The following CFAP58 variants were observed in gnomAD, a reference collection of about 807,000 sequenced individuals.
CFAP58 encodes cilia- and flagella-associated protein 58.
Under a neutral mutation model 119.5 loss-of-function variants are expected in CFAP58, and 88 were observed. The observed-to-expected ratio is 0.74, with a 90% confidence interval of 0.62 to 0.88. The LOEUF (loss-of-function observed/expected upper bound fraction) is 0.88. Ranked by LOEUF, CFAP58 falls within the 40% of genes least tolerant of loss-of-function variation. CFAP58 has a pLI of 0.00. For missense variants in CFAP58, 990 were observed against 1,021.2 expected (o/e 0.97, Z 0.42); for synonymous variants, 365 against 366.3 (o/e 1.00, Z 0.04).
chr10:104,448,441 A>G (rs1038153853), intron 16 of CFAP58, among the ~76,000 whole-genome samples: 27 of 152,342 alleles, frequency 1.8e-4, no homozygotes, highest in African/African-American at 6.3e-4. Flanking sequence ...AGTTTTCTCA[A>G]AAGTTGTGCA....
intron 9 of CFAP58, among the ~76,000 whole-genome samples, chr10:104,386,005 A>C (rs2011913740): frequency 6.6e-6 from 1 of 151,808 alleles, no homozygotes; most frequent in Non-Finnish European, 1.5e-5. Flanking sequence ...TAACATATTA[A>C]TAGTGGTTAT....
chr10:104,377,927 ATAGTGTTGG>A (rs1367596828), intron 8 of CFAP58, among the ~76,000 whole-genome samples: 6 of 152,248 alleles, frequency 3.9e-5, no homozygotes, highest in Admixed American at 3.3e-4. Flanking sequence ...CATATAAACA[ATAGTGTTGG>A]ATTTAGATTT....
intron 15 of CFAP58, among the ~76,000 whole-genome samples, chr10:104,417,180 G>A (rs79639697): frequency 2.0e-5 from 3 of 152,238 alleles, no homozygotes; most frequent in Non-Finnish European, 4.4e-5. Flanking sequence ...AGCAACAGCT[G>A]TGGTGCTGGT....
chr10:104,440,118 G>T (rs941199174), intron 15 of CFAP58, among the ~76,000 whole-genome samples: 8 of 147,960 alleles, frequency 5.4e-5, no homozygotes, highest in African/African-American at 2.1e-4. Flanking sequence ...CACCGCGCCC[G>T]GCCACTGATT....
chr10:104,420,919 AT>A lies in CFAP58; in HGVS notation c.2256+14133del, dbSNP rs2012646417. Among the ~76,000 whole-genome samples, 5 of 151,832 alleles carry A rather than the reference AT, an allele frequency of 3.3e-5. 1 individual carries two copies. In the South Asian group the frequency reaches 1.0e-3, roughly 32 times the overall value. On this transcript the variant is annotated intron_variant, in intron 15 of 17. Coordinates refer to ENST00000369704, the MANE Select transcript of CFAP58 (RefSeq NM_001008723.2). ...AGTCTTGTGCCCCCACACCCGGCTA[AT>A]TTTTTTGTATTTAGTAGAGATGGGT...
Position 104,438,171 on chromosome 10 carries a change from C to G in CFAP58, c.2257-9527C>G, listed in dbSNP as rs533609057. Among the ~76,000 whole-genome samples the G allele has an allele frequency of 3.3e-5, 5 of 152,254 alleles. No individual in the cohort carries two copies. The South Asian group carries it at 6.2e-4, about 19-fold the overall frequency. On this transcript the variant is annotated intron_variant, in intron 15 of 17. Transcript: ENST00000369704. Reference sequence around the variant, plus strand: ...GTATTAGTTATCTATTGCTCCATTACAAATGACCATGAATTTCACAGCTTA... The same window carrying G: ...GTATTAGTTATCTATTGCTCCATTAGAAATGACCATGAATTTCACAGCTTA...
chr10:104,383,753 A>AACACACACACACACAC (rs59181888), intron 9 of CFAP58, among the ~76,000 whole-genome samples: 1,904 of 145,892 alleles, frequency 0.013, 21 homozygotes, highest in Middle Eastern at 0.038. Context: ...TTTACTGTCC[A>AACACACACACACACAC]ACACACACAC....
chr10:104,339,451 TAC>T, the CFAP58 span, among the ~76,000 whole-genome samples: 1 of 152,196 alleles, frequency 6.6e-6, no homozygotes, highest in African/African-American at 2.4e-5. Context: ...CTACCATCAG[TAC>T]AAAAGGCAGA....
chr10:104,438,480 A>G (rs1286096181), intron 15 of CFAP58, among the ~76,000 whole-genome samples: 1 of 146,948 alleles, frequency 6.8e-6, no homozygotes, highest in Middle Eastern at 3.4e-3. Flanking sequence ...GGTTCACGCC[A>G]TTCTCCTGCC....
chr10:104,427,868 A>G (rs1354844674), intron 15 of CFAP58, among the ~76,000 whole-genome samples: 1 of 152,156 alleles, frequency 6.6e-6, no homozygotes, highest in Non-Finnish European at 1.5e-5. Flanking sequence ...TCCCTCAGCA[A>G]CATCGAGGGT....
At chr10:104,357,956 CACATATATGTACACATATGT>C (rs1564876147) in intron 1 of CFAP58, among the ~76,000 whole-genome samples, 5 of 108,464 alleles carry the variant, frequency 4.6e-5, no homozygotes, top group African/African-American at 2.5e-4. Flanking sequence ...CACATATATA[CACATATATGTACACATATGT>C]ACATATGTAC....
At chr10:104,360,053 G>T (rs999925034) in intron 2 of CFAP58, among the ~76,000 whole-genome samples, 68 of 152,194 alleles carry the variant, frequency 4.5e-4, no homozygotes, top group African/African-American at 1.6e-3. Flanking sequence ...AGAGTAATCT[G>T]TCTAATGTAA....
At position 104,390,257 on chromosome 10, in the gene CFAP58, A is replaced by G. The variant is rs75201763; in HGVS notation, c.1366-1976A>G. 6.3e-3 allele frequency among the ~76,000 whole-genome samples: 959 copies of G among 152,338 alleles called. 3 individuals are homozygous for G. The highest frequency in any genetic ancestry group is 9.7e-3 in the Non-Finnish European group (659 of 68,028). On this transcript the variant is annotated intron_variant, in intron 9 of 17. Transcript: ENST00000369704. ...CCCATCAGTGGAGAAGAATTAAATTATGATGGCACACCCACTCTATAGGAT... is the reference window on the plus strand; with the variant it reads ...CCCATCAGTGGAGAAGAATTAAATTGTGATGGCACACCCACTCTATAGGAT...
chr10:104,371,580 G>A (rs1396333258), intron 7 of CFAP58, among the ~76,000 whole-genome samples: 1 of 152,150 alleles, frequency 6.6e-6, no homozygotes, highest in Admixed American at 6.5e-5. Context: ...CCACAGGGAG[G>A]TACAGAGAAA....
Position 104,400,728 on chromosome 10 carries a change from G to A in CFAP58, c.1864G>A (p.Asp622Asn). ...ILGSQLVRRNDELALLYEKIK... is the reference protein window; with the variant it reads ...ILGSQLVRRNNELALLYEKIK... Reference sequence around the variant, plus strand: ...GGGGTCTCAGCTTGTTCGGCGCAATGATGAGTTAGCTTTGCTCTATGAGAA... The same window carrying A: ...GGGGTCTCAGCTTGTTCGGCGCAATAATGAGTTAGCTTTGCTCTATGAGAA... The change falls in exon 13 of 18, where the codon GAT becomes AAT. Residue 622 changes from aspartate to asparagine, a missense_variant. By Grantham distance (23) the Asp-to-Asn change is conservative. Coordinates refer to ENST00000369704, the MANE Select transcript of CFAP58 (RefSeq NM_001008723.2). 1 of 1,614,158 alleles carries A rather than the reference G, an allele frequency of 6.2e-7. No individual in the cohort carries two copies. The highest frequency in any genetic ancestry group is 8.5e-7 in the Non-Finnish European group (1 of 1,180,026).
chr10:104,366,030 G>A (rs369120364), intron 5 of CFAP58, 22 bp downstream of exon 5: 13 of 1,533,002 alleles, frequency 8.5e-6, no homozygotes, highest in Middle Eastern at 2.1e-4. Context: ...GTGGGTCTTC[G>A]CAAAAAACCA....
At chr10:104,353,571 T>A (rs2014494088), upstream of CFAP58, 1 of 356,258 alleles carries the variant, frequency 2.8e-6, no homozygotes, top group Non-Finnish European at 5.2e-6. Flanking sequence ...TGTCTCCATC[T>A]GCCCACACCG....
At chr10:104,349,853 G>A (rs2014439424), upstream of CFAP58, among the ~76,000 whole-genome samples, 1 of 152,224 alleles carries the variant, frequency 6.6e-6, no homozygotes, top group Non-Finnish European at 1.5e-5. Context: ...CCAGCCAGCT[G>A]AAGAGAGAAA....
At chr10:104,386,570 C>T (rs2011929910) in intron 9 of CFAP58, among the ~76,000 whole-genome samples, 1 of 152,086 alleles carries the variant, frequency 6.6e-6, no homozygotes, top group African/African-American at 2.4e-5. Flanking sequence ...ACTTGGCTCC[C>T]CTCTGGCAGT....
Sources: allele counts gnomAD v4.1 joint callset (sites outside exome capture counted in the v4.1 genomes callset), GRCh38; gene constraint gnomAD v4.1.1; transcripts MANE v1.5; gene names NCBI Gene and HGNC (gene_info 2026-07-23, HGNC 2026-07-21).